The following PKIB variants were observed in gnomAD, a reference collection of about 807,000 sequenced individuals.
PKIB encodes cAMP-dependent protein kinase inhibitor beta.
Under a neutral mutation model 4.5 loss-of-function variants are expected in PKIB, and 2 were observed. That is an observed-to-expected ratio of 0.44 (90% CI 0.18 to 1.39). PKIB has a LOEUF of 1.39. Ranked by LOEUF, PKIB falls within the 40% of genes most tolerant of loss-of-function variation. The pLI, the probability that PKIB is intolerant of heterozygous loss-of-function variation, is 0.27. For missense variants in PKIB, 94 were observed against 92.6 expected (o/e 1.02, Z -0.06); for synonymous variants, 38 against 36.0 (o/e 1.06, Z -0.20).
At chr6:122,721,150 G>T (rs79612792) in intron 4 of PKIB, among the ~76,000 whole-genome samples, 1,936 of 152,278 alleles carry the variant, frequency 0.013, 32 homozygotes, top group African/African-American at 0.044. Flanking sequence ...CGGAGCCTTA[G>T]AAGTCCTCCA....
At chr6:122,597,362 T>C (rs1320154228) in intron 3 of PKIB, among the ~76,000 whole-genome samples, 1 of 152,240 alleles carries the variant, frequency 6.6e-6, no homozygotes, top group Non-Finnish European at 1.5e-5. Flanking sequence ...GGCAAATCAC[T>C]TCTGTTGGAC....
chr6:122,562,831 A>G (rs1773073497), intron 2 of PKIB, among the ~76,000 whole-genome samples: 1 of 150,554 alleles, frequency 6.6e-6, no homozygotes, highest in Non-Finnish European at 1.5e-5. Flanking sequence ...TCCTTAAGCT[A>G]TCTATTTCTT....
At chr6:122,558,291 A>G (rs1458932099) in intron 2 of PKIB, among the ~76,000 whole-genome samples, 1 of 152,210 alleles carries the variant, frequency 6.6e-6, no homozygotes, top group Non-Finnish European at 1.5e-5. Context: ...TGACAGTTCC[A>G]GGCTTATATT....
intron 1 of PKIB, among the ~76,000 whole-genome samples, chr6:122,633,058 C>T (rs1392427031): frequency 6.6e-6 from 1 of 152,096 alleles, no homozygotes; most frequent in African/African-American, 2.4e-5. Flanking sequence ...GTGTATGGAG[C>T]TGCTTACTCA....
intron 1 of PKIB, among the ~76,000 whole-genome samples, chr6:122,623,228 G>A (rs772400051): frequency 2.6e-5 from 4 of 152,170 alleles, no homozygotes; most frequent in South Asian, 2.1e-4. Context: ...CAAGGATCAC[G>A]TCTTATTTTA....
intron 2 of PKIB, among the ~76,000 whole-genome samples, chr6:122,515,157 A>G (rs1776708872): frequency 6.6e-6 from 1 of 152,196 alleles, no homozygotes; most frequent in South Asian, 2.1e-4. Context: ...CCTATTACAC[A>G]ATACTAAATA....
chr6:122,681,847 C>T (rs1777906999), intron 3 of PKIB, among the ~76,000 whole-genome samples: 1 of 152,116 alleles, frequency 6.6e-6, no homozygotes, highest in African/African-American at 2.4e-5. Context: ...GACTGTGCAC[C>T]ATGTAACTAA....
intron 2 of PKIB, among the ~76,000 whole-genome samples, chr6:122,656,638 G>A (rs1226749086): frequency 6.6e-6 from 1 of 152,160 alleles, no homozygotes; most frequent in Admixed American, 6.5e-5. Context: ...AAACCCAGGC[G>A]GGAGAAGTGA....
At chr6:122,494,637 C>T (rs779220592) in intron 2 of PKIB, among the ~76,000 whole-genome samples, 1 of 152,166 alleles carries the variant, frequency 6.6e-6, no homozygotes, top group Non-Finnish European at 1.5e-5. Flanking sequence ...GCAGACTTAG[C>T]ACTCTCACAC....
intron 2 of PKIB, among the ~76,000 whole-genome samples, chr6:122,580,577 C>T (rs1773673551): frequency 6.6e-6 from 1 of 152,154 alleles, no homozygotes; most frequent in African/African-American, 2.4e-5. Flanking sequence ...TTTGCCCCAT[C>T]TCAGATTGTA....
At position 122,717,929 on chromosome 6, in the gene PKIB, G is replaced by A; in HGVS notation, c.135G>A (p.Leu45=). 6.2e-7 allele frequency: 1 copy of A among 1,613,762 alleles called. No individual in the cohort carries two copies. The highest frequency in any genetic ancestry group is 8.5e-7 in the Non-Finnish European group (1 of 1,179,746). ...SSAATDGTSD[L]PLKLEALSVK... is the part of the protein sequence containing the mutation. ...CTGCCACAGACGGAACCTCAGATTTGCCCCTCAAACTGGAGGCTCTCTCCG... is the reference window on the plus strand; with the variant it reads ...CTGCCACAGACGGAACCTCAGATTTACCCCTCAAACTGGAGGCTCTCTCCG... Residue 45 remains leucine (L), a synonymous_variant, in exon 4 of 5, where the codon TTG becomes TTA. Transcript: ENST00000368452.
intron 2 of PKIB, among the ~76,000 whole-genome samples, chr6:122,535,389 T>C (rs1049912168): frequency 6.6e-6 from 1 of 152,196 alleles, no homozygotes; most frequent in Non-Finnish European, 1.5e-5. Context: ...TCACTATTCA[T>C]TCAAACAATA....
intron 2 of PKIB, among the ~76,000 whole-genome samples, chr6:122,526,398 C>A (rs186289496): frequency 8.0e-4 from 122 of 152,196 alleles, no homozygotes; most frequent in Non-Finnish European, 1.5e-3. Flanking sequence ...TTCTTTATGG[C>A]AGCTATAGCC....
intron 1 of PKIB, among the ~76,000 whole-genome samples, chr6:122,624,499 T>C (rs1454895755): frequency 1.3e-5 from 2 of 152,170 alleles, no homozygotes; most frequent in Middle Eastern, 3.2e-3. Context: ...AACTTAGAGG[T>C]AATGAACACG....
chr6:122,478,592 A>G (rs1042278107), intron 2 of PKIB: 1 of 152,178 alleles, frequency 6.6e-6, no homozygotes, highest in African/African-American at 2.4e-5. Flanking sequence ...GTAAGAGAAA[A>G]AACATAATTA....
intron 2 of PKIB, among the ~76,000 whole-genome samples, chr6:122,649,463 G>A (rs955199193): frequency 2.6e-5 from 4 of 152,188 alleles, no homozygotes; most frequent in Admixed American, 6.5e-5. Flanking sequence ...TGTTTCCTCA[G>A]TCAATTGGTT....
intron 2 of PKIB, among the ~76,000 whole-genome samples, chr6:122,507,664 TA>T (rs1354915524): frequency 1.3e-5 from 2 of 150,148 alleles, no homozygotes; most frequent in Non-Finnish European, 3.0e-5. Context: ...AATCTTGGCT[TA>T]AAAATTTTTT....
chr6:122,535,641 G>A (rs930935832), intron 2 of PKIB, among the ~76,000 whole-genome samples: 1 of 152,082 alleles, frequency 6.6e-6, no homozygotes, highest in African/African-American at 2.4e-5. Context: ...CAAGAAACCT[G>A]GACAGAGGAG....
intron 2 of PKIB, among the ~76,000 whole-genome samples, chr6:122,487,691 C>A (rs1775809804): frequency 6.6e-6 from 1 of 152,150 alleles, no homozygotes. Flanking sequence ...CAGACTCTCA[C>A]CAGACACCAA....
Sources: allele counts gnomAD v4.1 joint callset (sites outside exome capture counted in the v4.1 genomes callset), GRCh38; gene constraint gnomAD v4.1.1; transcripts MANE v1.5; gene names NCBI Gene and HGNC (gene_info 2026-07-23, HGNC 2026-07-21).